The following STK32C variants were observed in gnomAD, a reference collection of about 807,000 sequenced individuals.
STK32C encodes the protein serine/threonine-protein kinase 32C.
Under a neutral mutation model 56.5 loss-of-function variants are expected in STK32C, and 31 were observed. That is an observed-to-expected ratio of 0.55 (90% CI 0.41 to 0.74). STK32C has a LOEUF of 0.74. Ranked by LOEUF, STK32C falls within the 30% of genes least tolerant of loss-of-function variation. The probability of loss-of-function intolerance (pLI) is 0.00; values close to 1 mark genes in which losing one functional copy is unlikely to be tolerated. For missense variants in STK32C, 544 were observed against 676.9 expected (o/e 0.80, Z 2.18); for synonymous variants, 309 against 289.4 (o/e 1.07, Z -0.69).
chr10:132,249,017 GC>G, intron 1 of STK32C: 1 of 467,302 alleles, frequency 2.1e-6, no homozygotes, highest in Non-Finnish European at 4.3e-6. Context: ...TGGGTCACCT[GC>G]GCCCTGCACA....
At chr10:132,221,725 G>A (rs2062667899) in intron 10 of STK32C, among the ~76,000 whole-genome samples, 1 of 145,116 alleles carries the variant, frequency 6.9e-6, no homozygotes, top group African/African-American at 2.6e-5. Context: ...GGGCGAGTGT[G>A]AGGGCTTCAC....
Position 132,223,016 on chromosome 10 carries a change from G to A in STK32C, c.994-30C>T, listed in dbSNP as rs555521030. 1.2e-5 allele frequency: 19 copies of A among 1,540,706 alleles called. No homozygotes were observed. The South Asian group carries it at 1.7e-4, about 13-fold the overall frequency. On this transcript the variant is annotated intron_variant, in intron 8 of 11. Transcript: ENST00000298630. ...AACCAGGCATGAGTCAGAGGGTCCA[G>A]GGCCCACAGCCCACCAGCACGGAAT...
rs1477228699 is a variant in STK32C, at chr10:132,307,880, G to A, written c.-47C>T. On this transcript the variant is annotated 5_prime_UTR_variant, in exon 1 of 12. Coordinates refer to ENST00000298630, the MANE Select transcript of STK32C (RefSeq NM_173575.4). The surrounding 1 kb of genome is among the most constrained non-coding windows in gnomAD (Gnocchi z 4.4). Reference sequence around the variant, plus strand: ...GCAGCCGGAACTCGGGGCATGGCCGGCCGGCAGGGCCGGGAGCGGCAGTGG... The same window carrying A: ...GCAGCCGGAACTCGGGGCATGGCCGACCGGCAGGGCCGGGAGCGGCAGTGG... The A allele has an allele frequency of 8.8e-7, 1 of 1,140,808 alleles. No individual in the cohort carries two copies. Among genetic ancestry groups the A allele is most frequent in the Non-Finnish European group, 1.1e-6 (1 of 923,696 alleles). The allele number at this position is 1,140,808 out of a possible 1,614,324, so 70.7% of individuals were successfully genotyped here. A position where few individuals can be genotyped will look rare whatever the true frequency, so the allele number is the denominator to read the frequency against.
chr10:132,284,841 A>G (rs370524835), intron 1 of STK32C, among the ~76,000 whole-genome samples: 92 of 138,598 alleles, frequency 6.6e-4, no homozygotes, highest in African/African-American at 2.1e-3. Flanking sequence ...GCATGAACCC[A>G]GAACACATTC....
intron 2 of STK32C, among the ~76,000 whole-genome samples, chr10:132,243,281 G>A (rs1387498981): frequency 6.6e-6 from 1 of 152,230 alleles, no homozygotes; most frequent in Non-Finnish European, 1.5e-5. Flanking sequence ...CAATTAGGCA[G>A]CGCTGGGGAG....
At chr10:132,330,038 C>T (rs2066610468) in intron 1 of STK32C, among the ~76,000 whole-genome samples, 1 of 152,160 alleles carries the variant, frequency 6.6e-6, no homozygotes, top group Non-Finnish European at 1.5e-5. Context: ...GAACGCGGCA[C>T]CAGCTCCACA....
intron 2 of STK32C, among the ~76,000 whole-genome samples, chr10:132,231,893 G>T (rs912712528): frequency 1.3e-5 from 2 of 152,348 alleles, no homozygotes; most frequent in East Asian, 1.9e-4. Context: ...GTCCTCCCAC[G>T]GAGCCGCCCA....
rs373650032 is a variant in STK32C at position 132,328,831 on chromosome 10, G to A, written c.301+2605C>T. Among the ~76,000 whole-genome samples, 128 of 152,344 alleles carry A rather than the reference G, an allele frequency of 8.4e-4. 1 individual carries two copies. In the South Asian group the frequency reaches 0.026, roughly 31 times the overall value. On this transcript the variant is annotated intron_variant, in intron 1 of 1. Transcript: ENST00000368619. Reference sequence around the variant, plus strand: ...GGAGATGGAGACGAGGACAGCCTTCGGCCCAGCCTCTTGCTGGCTCCAGGA... The same window carrying A: ...GGAGATGGAGACGAGGACAGCCTTCAGCCCAGCCTCTTGCTGGCTCCAGGA...
chr10:132,318,229 C>T (rs2066342836), intron 1 of STK32C, among the ~76,000 whole-genome samples: 1 of 151,330 alleles, frequency 6.6e-6, no homozygotes, highest in Non-Finnish European at 1.5e-5. Context: ...GATCGCGCCA[C>T]TGCACTCCAG....
Position 132,247,983 on chromosome 10 carries a change from C to T in STK32C, c.263-2028G>A, listed in dbSNP as rs958250950. Among the ~76,000 whole-genome samples, 11 of 152,216 alleles carry T rather than the reference C, an allele frequency of 7.2e-5. No homozygotes were observed. The South Asian group carries it at 2.1e-3, about 29-fold the overall frequency. ...GTGCTGCACAGACAAGACCCGTGGC[C>T]GACACCCACAAGCTGACACAGCCTC... On this transcript the variant is annotated intron_variant, in intron 1 of 11. Transcript: ENST00000298630.
upstream of STK32C, chr10:132,308,081 G>A (rs865790646): frequency 4.7e-4 from 132 of 282,780 alleles, no homozygotes; most frequent in Middle Eastern, 5.5e-3. Context: ...GGCGTGGCAG[G>A]TGCGGAGCTT....
intron 2 of STK32C, among the ~76,000 whole-genome samples, chr10:132,229,037 C>T (rs570010540): frequency 3.9e-5 from 6 of 152,168 alleles, no homozygotes; most frequent in African/African-American, 9.7e-5. Flanking sequence ...AGTGAGGTGA[C>T]GGGTGAGAAG....
chr10:132,232,121 T>C (rs566202371), intron 2 of STK32C, among the ~76,000 whole-genome samples: 89 of 152,272 alleles, frequency 5.8e-4, no homozygotes, highest in African/African-American at 2.0e-3. Context: ...CGCTGCGCCC[T>C]CACCGGAGCA....
chr10:132,264,041 A>T (rs1166163164), intron 1 of STK32C, among the ~76,000 whole-genome samples: 2 of 152,162 alleles, frequency 1.3e-5, no homozygotes, highest in African/African-American at 4.8e-5. Context: ...GCCACGACCC[A>T]GGGACAGAAG....
intron 6 of STK32C, 35 bp from the exon 7 acceptor site, chr10:132,225,371 G>A (rs191613482): frequency 2.0e-4 from 324 of 1,594,250 alleles, no homozygotes; most frequent in East Asian, 3.7e-4. Flanking sequence ...CAGCTGCCAC[G>A]GGGTCACAGC....
chr10:132,263,847 C>T (rs76185045), intron 1 of STK32C, among the ~76,000 whole-genome samples: 18,184 of 125,638 alleles, frequency 0.14, 1,811 homozygotes, highest in African/African-American at 0.31. Flanking sequence ...GCCTGGATGA[C>T]AGAACGAGAC....
downstream of STK32C, among the ~76,000 whole-genome samples, chr10:132,321,628 G>A (rs1403191387): frequency 1.3e-5 from 2 of 152,132 alleles, no homozygotes; most frequent in Admixed American, 1.3e-4. Flanking sequence ...TCAGGAGTTC[G>A]AGACCAGCCT....
At chr10:132,284,680 A>G (rs2065335883) in intron 1 of STK32C, among the ~76,000 whole-genome samples, 1 of 151,772 alleles carries the variant, frequency 6.6e-6, no homozygotes, top group Non-Finnish European at 1.5e-5. Context: ...CCCAGAACAC[A>G]TTCCCACATC....
intron 1 of STK32C, among the ~76,000 whole-genome samples, chr10:132,273,060 A>G (rs768358148): frequency 3.4e-4 from 52 of 152,102 alleles, no homozygotes; most frequent in Non-Finnish European, 1.9e-4. Flanking sequence ...TTTCACCCCA[A>G]TGAAGACTGC....
Sources: allele counts gnomAD v4.1 joint callset (sites outside exome capture counted in the v4.1 genomes callset), GRCh38; gene constraint gnomAD v4.1.1; non-coding constraint Gnocchi (gnomAD v3.1); transcripts MANE v1.5; gene names NCBI Gene and HGNC (gene_info 2026-07-23, HGNC 2026-07-21).